PRKDC: variants seen among roughly 807,000 people sequenced by gnomAD.
PRKDC encodes DNA-dependent protein kinase catalytic subunit.
A neutral mutation model predicts 486.9 loss-of-function variants in PRKDC; 82 were observed. The ratio of observed to expected loss-of-function variants is 0.17; its 90% CI spans 0.14 to 0.20. PRKDC has a LOEUF of 0.20. Among genes scored for constraint, PRKDC ranks in the 10% least tolerant of loss-of-function variants. PRKDC has a pLI of 1.00. For synonymous variants in PRKDC, 1,895 were observed against 1,837.0 expected, an observed-to-expected ratio of 1.03 and a Z score of -0.81; for missense variants, 4,504 against 5,038.2, an observed-to-expected ratio of 0.89 and a Z score of 3.21.
At chr8:47,881,654 CTT>C (rs2089220564) in intron 37 of PRKDC, 134 bp from the exon 38 acceptor site, 3 of 632,934 alleles carry the variant, frequency 4.7e-6, no homozygotes, top group Non-Finnish European at 7.9e-6. Flanking sequence ...TTTTCACAAT[CTT>C]ATTGTAAAAC....
rs192354602 is a variant in PRKDC, at chr8:47,814,037, G to A, written c.9557+3413C>T. Among the ~76,000 whole-genome samples the A allele has an allele frequency of 4.0e-3, 608 of 152,264 alleles. 4 individuals carry two copies. The highest frequency in any genetic ancestry group is 0.025 in the South Asian group (121 of 4,828). ...AAATCCTTAAGGGATCATCATGACC[G>A]TATTGGGTTTACCCTAAGAATGCAA... On this transcript the variant is annotated intron_variant, in intron 68 of 85. Coordinates refer to ENST00000314191, the MANE Select transcript of PRKDC (RefSeq NM_006904.7).
At chr8:47,928,599 C>A (rs546708957) in intron 19 of PRKDC, among the ~76,000 whole-genome samples, 2 of 151,668 alleles carry the variant, frequency 1.3e-5, no homozygotes, top group Admixed American at 1.3e-4. Context: ...GTTCCCCAGG[C>A]TGGAGTGCAG....
At chr8:47,851,356 C>T (rs2088398134) in intron 52 of PRKDC, among the ~76,000 whole-genome samples, 1 of 152,164 alleles carries the variant, frequency 6.6e-6, no homozygotes, top group Non-Finnish European at 1.5e-5. Flanking sequence ...AAAAGTTCTA[C>T]TGAATTTTAA....
At chr8:47,796,749 G>A (rs886303538) in intron 73 of PRKDC, among the ~76,000 whole-genome samples, 7 of 150,842 alleles carry the variant, frequency 4.6e-5, no homozygotes, top group African/African-American at 7.4e-5. Flanking sequence ...ACAGGTGCTC[G>A]CCACCACGCC....
rs1166443402 is a variant in PRKDC at position 47,826,699 on chromosome 8, C to T, written c.8740G>A (p.Ala2914Thr). ...ELPAKRVRGK[A>T]RLPPDVLRWV... ...CTGAGGACATCAGGAGGGAGGCGGG[C>T]CTTCCCACGGACTCGCTTGGCAGGC... The change falls in exon 63 of 86, where the codon GCC (alanine) becomes ACC (threonine). Residue 2914 changes from alanine (A) to threonine (T), a missense_variant. By Grantham distance (58) the Ala-to-Thr change is moderately conservative. Around this residue, in one of 6 missense-constraint regions of PRKDC, gnomAD observed 1,592 missense variants for 1,724.6 expected, o/e 0.92. Coordinates refer to ENST00000314191, the MANE Select transcript of PRKDC (RefSeq NM_006904.7). The T allele has an allele frequency of 8.7e-6, 14 of 1,613,062 alleles. No individual in the cohort carries two copies. The highest frequency in any genetic ancestry group is 5.3e-5 in the African/African-American group (4 of 74,934).
chr8:47,826,904 T>C, intron 62 of PRKDC, 43 bp from the exon 63 acceptor site: 3 of 1,505,896 alleles, frequency 2.0e-6, no homozygotes, highest in Non-Finnish European at 2.7e-6. Context: ...CTTGTGGTAC[T>C]TGGACCATGT....
Position 47,907,555 on chromosome 8 carries a change from G to A in PRKDC, c.2935-2579C>T, listed in dbSNP as rs1377043859. Among the ~76,000 whole-genome samples the A allele has an allele frequency of 1.9e-4, 21 of 111,668 alleles. 2 individuals are homozygous for A. The highest frequency in any genetic ancestry group is 6.7e-4 in the African/African-American group (19 of 28,538). The allele number at this position is 111,668 out of a possible 152,430, so 73.3% of individuals were successfully genotyped here. A position where few individuals can be genotyped will look rare whatever the true frequency, so the allele number is the denominator to read the frequency against. On this transcript the variant is annotated intron_variant, in intron 25 of 85. Coordinates refer to ENST00000314191, the MANE Select transcript of PRKDC (RefSeq NM_006904.7). ...TACCTTTTTTTTTTTTTTTTTTTGA[G>A]ACAGAGTCTTACTCTGTCACCCAGG...
Position 47,882,102 on chromosome 8 carries a change from G to C in PRKDC, c.4777-5C>G, listed in dbSNP as rs373031020. 6.3e-7 allele frequency: 1 copy of C among 1,596,604 alleles called. No homozygotes were observed. Among genetic ancestry groups the C allele is most frequent in the Non-Finnish European group, 8.5e-7 (1 of 1,172,284 alleles). The stretch of plus-strand genomic sequence containing the variant: ...GCCGTTCAAAACGGCACTCACCTGA[G>C]ACAATTTCGTTGTGAGTGAAGAAAA... On this transcript the variant is annotated splice_region_variant and splice_polypyrimidine_tract_variant and intron_variant, in intron 36 of 85. Coordinates refer to ENST00000314191, the MANE Select transcript of PRKDC (RefSeq NM_006904.7).
intron 38 of PRKDC, among the ~76,000 whole-genome samples, chr8:47,881,127 G>A (rs1286975783): frequency 2.0e-5 from 3 of 151,976 alleles, no homozygotes; most frequent in African/African-American, 7.2e-5. Flanking sequence ...ATGTTCTCAT[G>A]TCTTGGAGAG....
chr8:47,936,605 A>C (rs2090356885), intron 11 of PRKDC, 88 bp from the exon 12 acceptor site: 1 of 1,476,920 alleles, frequency 6.8e-7, no homozygotes, highest in Non-Finnish European at 9.2e-7. Flanking sequence ...TGTGATTATA[A>C]ACACAAGTTT....
At chr8:47,894,966 C>T (rs2089545926) in intron 30 of PRKDC, among the ~76,000 whole-genome samples, 1 of 152,112 alleles carries the variant, frequency 6.6e-6, no homozygotes, top group African/African-American at 2.4e-5. Flanking sequence ...TTCCCAGCTA[C>T]TCATGAGGCT....
At chr8:47,943,781 T>C (rs2090484541) in intron 9 of PRKDC, 72 bp downstream of exon 9, 2 of 1,310,062 alleles carry the variant, frequency 1.5e-6, no homozygotes, top group Admixed American at 4.6e-5. Flanking sequence ...ATTCAAAGTT[T>C]AAGCAAAAGC....
At chr8:47,840,812 T>C (rs1188560027) in intron 54 of PRKDC, among the ~76,000 whole-genome samples, 1 of 152,200 alleles carries the variant, frequency 6.6e-6, no homozygotes, top group African/African-American at 2.4e-5. Flanking sequence ...GTGACATACA[T>C]TTTTTGTTAC....
At chr8:47,815,388 C>A (rs536029157) in intron 68 of PRKDC, among the ~76,000 whole-genome samples, 2 of 152,124 alleles carry the variant, frequency 1.3e-5, no homozygotes, top group African/African-American at 4.8e-5. Context: ...AAAGTAAACA[C>A]CTACCCCTAC....
Position 47,960,074 on chromosome 8 carries a change from G to A in PRKDC, c.53C>T (p.Thr18Ile), listed in dbSNP as rs767871840. ...VRCSLLRLQE[T>I]LSAADRCGAA... ...ACCGCAGCGGTCCGCAGCGGACAAG[G>A]TCTCCTGCAGCCGCAGCAGGGAGCA... The change falls in exon 1 of 86, where the codon ACC becomes ATC. Residue 18 changes from threonine to isoleucine, a missense_variant. Transcript: ENST00000314191. The A allele has an allele frequency of 4.6e-6, 7 of 1,530,438 alleles. No individual in the cohort carries two copies. In the South Asian group the frequency reaches 6.0e-5, roughly 13 times the overall value. The allele number at this position is 1,530,438 out of a possible 1,614,324, so 94.8% of individuals were successfully genotyped here.
chr8:47,863,176 G>C (rs8178125), intron 42 of PRKDC, among the ~76,000 whole-genome samples: 1 of 152,058 alleles, frequency 6.6e-6, no homozygotes. Context: ...AAAGGAAAAA[G>C]TTTTATTATT....
intron 40 of PRKDC, among the ~76,000 whole-genome samples, chr8:47,867,150 T>C (rs534017663): frequency 2.6e-5 from 4 of 152,180 alleles, no homozygotes; most frequent in Non-Finnish European, 5.9e-5. Flanking sequence ...ACACTAATTT[T>C]TTAAGACAAA....
chr8:47,944,846 G>A (rs2090504668), intron 7 of PRKDC, among the ~76,000 whole-genome samples: 1 of 152,192 alleles, frequency 6.6e-6, no homozygotes, highest in Non-Finnish European at 1.5e-5. Context: ...ATAGGAGGTG[G>A]AGAGAGAATG....
chr8:47,953,553 T>C (rs541499535), intron 7 of PRKDC, 67 bp downstream of exon 7: 2 of 1,375,654 alleles, frequency 1.5e-6, no homozygotes, highest in South Asian at 1.2e-5. Context: ...TTCAAAGAAA[T>C]AATCAGGCAT....
Sources: allele counts gnomAD v4.1 joint callset (sites outside exome capture counted in the v4.1 genomes callset), GRCh38; gene constraint gnomAD v4.1.1; regional missense constraint gnomAD v4.1.1; transcripts MANE v1.5; gene names NCBI Gene and HGNC (gene_info 2026-07-23, HGNC 2026-07-21).